The following TATDN1 variants were observed in gnomAD, a reference collection of about 807,000 sequenced individuals.
The protein encoded by TATDN1 is TatD DNase domain containing 1.
TATDN1 carries 40 observed loss-of-function variants against 46.4 expected under a neutral mutation model. That is an observed-to-expected ratio of 0.86 (90% confidence interval 0.67 to 1.12). The LOEUF is 1.12. Ranked by LOEUF, TATDN1 falls within the 50% of genes most tolerant of loss-of-function variation. The pLI, the probability that TATDN1 is intolerant of heterozygous loss-of-function variation, is 0.00. For synonymous variants in TATDN1, 95 were observed against 105.6 expected (o/e 0.90, Z 0.62); for missense variants, 326 against 348.4 (o/e 0.94, Z 0.51).
chr8:124,493,733 G>A, intron 11 of TATDN1, 100 bp downstream of exon 11: 2 of 1,432,960 alleles, frequency 1.4e-6, no homozygotes, highest in East Asian at 2.4e-5. Flanking sequence ...AACTTCACTT[G>A]GATTTTGCAA....
intron 1 of TATDN1, chr8:124,538,781 C>T (rs1294544955): frequency 1.7e-6 from 1 of 589,262 alleles, no homozygotes; most frequent in Non-Finnish European, 3.0e-6. Flanking sequence ...TTGAAAACAG[C>T]ACAAAAATCA....
chr8:124,495,846 G>T (rs1817421950), intron 9 of TATDN1, among the ~76,000 whole-genome samples: 1 of 152,176 alleles, frequency 6.6e-6, no homozygotes. Context: ...TGAGTAATTT[G>T]CGTAACTTAG....
intron 9 of TATDN1, among the ~76,000 whole-genome samples, chr8:124,496,901 T>C (rs147936000): frequency 1.8e-3 from 279 of 152,348 alleles, no homozygotes; most frequent in Middle Eastern, 6.8e-3. Flanking sequence ...TCCTGTATTA[T>C]CTTAAAAGGA....
At chr8:124,535,654 C>T (rs1002606400) in intron 1 of TATDN1, among the ~76,000 whole-genome samples, 23 of 152,166 alleles carry the variant, frequency 1.5e-4, no homozygotes, top group African/African-American at 4.8e-4. Flanking sequence ...GAAAGATAGA[C>T]ATGGTGGTGT....
intron 9 of TATDN1, among the ~76,000 whole-genome samples, chr8:124,499,607 G>A (rs1022342448): frequency 5.3e-5 from 8 of 151,682 alleles, no homozygotes; most frequent in Non-Finnish European, 1.2e-4. Context: ...TTCAGTGGGT[G>A]ATCTCGGCTC....
intron 4 of TATDN1, among the ~76,000 whole-genome samples, chr8:124,516,601 G>A (rs1819495774): frequency 6.6e-6 from 1 of 151,974 alleles, no homozygotes; most frequent in South Asian, 2.1e-4. Context: ...GAGCCACCAT[G>A]ACCAGCACTG....
chr8:124,531,922 T>A (rs1044821894), intron 1 of TATDN1, among the ~76,000 whole-genome samples: 2 of 152,238 alleles, frequency 1.3e-5, no homozygotes, highest in African/African-American at 4.8e-5. Flanking sequence ...TGGGTAGGAC[T>A]GGATGTCCAT....
chr8:124,502,638 A>G (rs1263780588), intron 9 of TATDN1, among the ~76,000 whole-genome samples: 1 of 152,138 alleles, frequency 6.6e-6, no homozygotes, highest in Non-Finnish European at 1.5e-5. Flanking sequence ...GAACTAGTCC[A>G]AATTGAAACA....
rs113320903 is a variant in TATDN1, at chr8:124,495,585, C to T, written c.594-43G>A. ...ATTTATTTTAAAAGGCAGCAATTAACGAATACCTTTTTTCGTATCACAACT... is the reference window on the plus strand; with the variant it reads ...ATTTATTTTAAAAGGCAGCAATTAATGAATACCTTTTTTCGTATCACAACT... On this transcript the variant is annotated intron_variant, in intron 9 of 11. Transcript: ENST00000276692. 172 of 1,454,956 alleles carry T rather than the reference C, an allele frequency of 1.2e-4. No homozygotes were observed. In the African/African-American group the frequency reaches 1.3e-3, roughly 11 times the overall value. The allele number at this position is 1,454,956 out of a possible 1,614,324, so 90.1% of individuals were successfully genotyped here.
At chr8:124,514,047 C>T (rs1819250250) in intron 6 of TATDN1, among the ~76,000 whole-genome samples, 1 of 152,150 alleles carries the variant, frequency 6.6e-6, no homozygotes, top group East Asian at 1.9e-4. Flanking sequence ...ACAAACTAAA[C>T]AGTTCTACAA....
intron 9 of TATDN1, among the ~76,000 whole-genome samples, chr8:124,503,416 CTA>C (rs1380093953): frequency 6.6e-6 from 1 of 152,116 alleles, no homozygotes; most frequent in Non-Finnish European, 1.5e-5. Context: ...TTTTTAATCT[CTA>C]TGCATATATT....
At chr8:124,488,761 A>AT in intron 11 of TATDN1, 65 bp from the exon 12 acceptor site, 1 of 972,088 alleles carries the variant, frequency 1.0e-6, no homozygotes, top group Non-Finnish European at 1.6e-6. Context: ...AAAGCTATAT[A>AT]ATATTTTTCC....
intron 1 of TATDN1, among the ~76,000 whole-genome samples, chr8:124,535,624 GTA>G (rs1821367544): frequency 6.6e-6 from 1 of 152,196 alleles, no homozygotes; most frequent in Non-Finnish European, 1.5e-5. Context: ...ATTTTGTTTG[GTA>G]TGCCTACAGA....
At chr8:124,489,263 G>C (rs1172811811) in intron 11 of TATDN1, 1 of 152,430 alleles carries the variant, frequency 6.6e-6, no homozygotes, top group African/African-American at 2.4e-5. Context: ...AAAATGTGTG[G>C]TTATTGAGGG....
intron 6 of TATDN1, among the ~76,000 whole-genome samples, chr8:124,510,030 CA>C (rs60271665): frequency 0.014 from 1,535 of 110,174 alleles, 19 homozygotes; most frequent in African/African-American, 0.043. Flanking sequence ...CATTCTGTCT[CA>C]AAAAAAAAAA....
intron 1 of TATDN1, among the ~76,000 whole-genome samples, chr8:124,535,895 C>A (rs551922577): frequency 2.2e-4 from 34 of 152,116 alleles, no homozygotes; most frequent in Non-Finnish European, 4.3e-4. Flanking sequence ...GGCCATCAAG[C>A]CTTTCATGAG....
intron 10 of TATDN1, chr8:124,495,207 C>A: frequency 2.2e-6 from 1 of 453,598 alleles, no homozygotes; most frequent in Admixed American, 4.2e-5. Context: ...GCTAAGTACT[C>A]GTAACTACAA....
intron 9 of TATDN1, chr8:124,503,928 T>C (rs1586589779): frequency 1.5e-6 from 2 of 1,301,722 alleles, no homozygotes; most frequent in Non-Finnish European, 1.0e-6. Flanking sequence ...TAGTCAGATA[T>C]GACGTGTATA....
At chr8:124,512,615 C>T (rs942447884) in intron 6 of TATDN1, among the ~76,000 whole-genome samples, 7 of 152,190 alleles carry the variant, frequency 4.6e-5, no homozygotes, top group Non-Finnish European at 1.0e-4. Flanking sequence ...AAATATTCAA[C>T]AGACATTTAC....
Sources: allele counts gnomAD v4.1 joint callset (sites outside exome capture counted in the v4.1 genomes callset), GRCh38; gene constraint gnomAD v4.1.1; transcripts MANE v1.5; gene names NCBI Gene and HGNC (gene_info 2026-07-23, HGNC 2026-07-21).